GRID1: variants seen among roughly 807,000 people sequenced by gnomAD.
GRID1 encodes the protein glutamate receptor ionotropic, delta-1.
In GRID1, 28 loss-of-function variants were observed where a neutral mutation model predicts 98.0. That is an observed-to-expected ratio of 0.29 (90% CI 0.21 to 0.39). GRID1 has a LOEUF of 0.39. Among genes scored for constraint, GRID1 ranks in the 10% least tolerant of loss-of-function variants. The pLI, the probability that GRID1 is intolerant of heterozygous loss-of-function variation, is 1.00. For missense variants in GRID1, 1,111 were observed against 1,340.5 expected (o/e 0.83, Z 2.67); for synonymous variants, 553 against 538.5 (o/e 1.03, Z -0.37).
chr10:86,059,354 A>G (rs1843618997), intron 4 of GRID1, among the ~76,000 whole-genome samples: 1 of 152,268 alleles, frequency 6.6e-6, no homozygotes, highest in South Asian at 2.1e-4. Context: ...CAGGAAGAGA[A>G]AAGAACTGTC....
chr10:85,662,456 G>A (rs935391271), intron 12 of GRID1, among the ~76,000 whole-genome samples: 1 of 152,190 alleles, frequency 6.6e-6, no homozygotes, highest in Admixed American at 6.5e-5. Flanking sequence ...GAGCCGCTGG[G>A]CCAGCAACGC....
intron 4 of GRID1, among the ~76,000 whole-genome samples, chr10:85,932,760 G>A (rs941511707): frequency 3.9e-5 from 6 of 152,216 alleles, no homozygotes; most frequent in African/African-American, 1.4e-4. Flanking sequence ...GCAGGCTTCT[G>A]TTGTTGATGA....
rs1403347180 is a variant in GRID1, at chr10:85,728,057, G to A, written c.1336-5C>T. ...CACCATCACGAAAGGCTCTTCCTGA[G>A]GACAACAGAATGAAGGTTCTCCAAT... On this transcript the variant is annotated splice_polypyrimidine_tract_variant and splice_region_variant and intron_variant, in intron 9 of 15. Coordinates refer to ENST00000327946, the MANE Select transcript of GRID1 (RefSeq NM_017551.3). The A allele has an allele frequency of 6.3e-7, 1 of 1,599,792 alleles. No individual in the cohort carries two copies. The highest frequency in any genetic ancestry group is 8.6e-7 in the Non-Finnish European group (1 of 1,167,046).
intron 2 of GRID1, among the ~76,000 whole-genome samples, chr10:86,218,523 T>G (rs1846208183): frequency 6.6e-6 from 1 of 152,162 alleles, no homozygotes; most frequent in Admixed American, 6.5e-5. Context: ...TCCTGCAGCA[T>G]AGCCAGCAGA....
intron 8 of GRID1, among the ~76,000 whole-genome samples, chr10:85,821,414 G>A (rs905607748): frequency 1.3e-5 from 2 of 148,374 alleles, no homozygotes; most frequent in African/African-American, 2.5e-5. Flanking sequence ...CTACTCAGGA[G>A]GCTGAGGCAG....
At chr10:86,008,773 T>C (rs1842892039) in intron 4 of GRID1, among the ~76,000 whole-genome samples, 2 of 152,182 alleles carry the variant, frequency 1.3e-5, no homozygotes, top group South Asian at 4.1e-4. Context: ...CAAGAACATC[T>C]CCCATATTTT....
At chr10:85,695,544 C>T (rs933736679) in intron 12 of GRID1, among the ~76,000 whole-genome samples, 1 of 152,116 alleles carries the variant, frequency 6.6e-6, no homozygotes, top group Non-Finnish European at 1.5e-5. Context: ...TGAAACAGTA[C>T]ATAAACTGCA....
chr10:85,794,832 T>G (rs1355627534), intron 8 of GRID1, among the ~76,000 whole-genome samples: 1 of 152,190 alleles, frequency 6.6e-6, no homozygotes, highest in East Asian at 1.9e-4. Flanking sequence ...GGTCAAACAC[T>G]GATGTAGAAG....
At chr10:86,329,348 G>A (rs1262343694) in intron 2 of GRID1, among the ~76,000 whole-genome samples, 1 of 152,180 alleles carries the variant, frequency 6.6e-6, no homozygotes, top group African/African-American at 2.4e-5. Flanking sequence ...ACATGCTGTG[G>A]TTACAAACAA....
chr10:85,654,050 A>C (rs144723594), intron 12 of GRID1, among the ~76,000 whole-genome samples: 73 of 152,304 alleles, frequency 4.8e-4, no homozygotes, highest in South Asian at 6.2e-4. Flanking sequence ...GCAGATCCAA[A>C]CACTGTATGA....
chr10:86,094,680 G>GAAA (rs2131940558), intron 4 of GRID1, among the ~76,000 whole-genome samples: 1 of 152,212 alleles, frequency 6.6e-6, no homozygotes, highest in Non-Finnish European at 1.5e-5. Context: ...ACTGCCGAAA[G>GAAA]AAATCACAGA....
intron 12 of GRID1, chr10:85,709,060 C>G: frequency 3.1e-6 from 1 of 322,986 alleles, no homozygotes; most frequent in South Asian, 3.6e-5. Context: ...CTATGATTCA[C>G]CAAAACAACT....
chr10:85,654,190 C>T (rs1840866779), intron 12 of GRID1, among the ~76,000 whole-genome samples: 1 of 152,116 alleles, frequency 6.6e-6, no homozygotes, highest in Non-Finnish European at 1.5e-5. Flanking sequence ...CTGAGGTGTC[C>T]TCCCTCCTCA....
intron 3 of GRID1, among the ~76,000 whole-genome samples, chr10:86,178,645 G>A (rs777314194): frequency 1.2e-4 from 19 of 152,228 alleles, no homozygotes; most frequent in African/African-American, 3.1e-4. Context: ...AGAGAACTAC[G>A]GTCTCCTTAA....
intron 4 of GRID1, among the ~76,000 whole-genome samples, chr10:85,942,269 T>C (rs1182813811): frequency 6.6e-6 from 1 of 152,180 alleles, no homozygotes; most frequent in Non-Finnish European, 1.5e-5. Flanking sequence ...TCACAGGCTT[T>C]CTCTGTCTAG....
intron 4 of GRID1, among the ~76,000 whole-genome samples, chr10:86,102,493 A>T (rs1313684478): frequency 6.6e-6 from 1 of 152,190 alleles, no homozygotes; most frequent in Admixed American, 6.5e-5. Context: ...CCCCATGCCC[A>T]CTCATTGACA....
intron 4 of GRID1, among the ~76,000 whole-genome samples, chr10:86,063,154 C>T (rs1843672015): frequency 6.6e-6 from 1 of 152,240 alleles, no homozygotes; most frequent in African/African-American, 2.4e-5. Context: ...AGAGGCAGGA[C>T]AACTGAGGCA....
At chr10:86,030,719 G>T (rs1455790103) in intron 4 of GRID1, among the ~76,000 whole-genome samples, 2 of 152,220 alleles carry the variant, frequency 1.3e-5, no homozygotes, top group Non-Finnish European at 1.5e-5. Flanking sequence ...AAATCATTTA[G>T]GCAGATAGTA....
intron 2 of GRID1, among the ~76,000 whole-genome samples, chr10:86,337,246 C>G (rs2132107024): frequency 6.6e-6 from 1 of 152,222 alleles, no homozygotes; most frequent in East Asian, 1.9e-4. Context: ...GGGAGGCCCC[C>G]CACGAGCCCA....
Sources: allele counts gnomAD v4.1 joint callset (sites outside exome capture counted in the v4.1 genomes callset), GRCh38; gene constraint gnomAD v4.1.1; transcripts MANE v1.5; gene names NCBI Gene and HGNC (gene_info 2026-07-23, HGNC 2026-07-21).